SEC14L2: variants seen among roughly 807,000 people sequenced by gnomAD.
SEC14L2 encodes the protein SEC14-like protein 2.
Under a neutral mutation model 56.9 loss-of-function variants are expected in SEC14L2, and 50 were observed. The observed-to-expected ratio is 0.88, with a 90% CI of 0.70 to 1.11. The LOEUF (loss-of-function observed/expected upper bound fraction) is 1.11. Among genes scored for constraint, SEC14L2 ranks in the 50% most tolerant of loss-of-function variants. The pLI, the probability that SEC14L2 is intolerant of heterozygous loss-of-function variation, is 0.00. For synonymous variants in SEC14L2, 179 were observed against 188.5 expected (o/e 0.95, Z 0.41); for missense variants, 414 against 500.7 (o/e 0.83, Z 1.65).
At position 30,424,788 on chromosome 22, in the gene SEC14L2, G is replaced by A. The variant is rs1182492782; in HGVS notation, c.*2381G>A. On this transcript the variant is annotated 3_prime_UTR_variant, in exon 12 of 12. Transcript: ENST00000615189. Reference sequence around the variant, plus strand: ...CGCCAAGGAGTCACAGAGACTTAGTGAAGTGCACACATTGCTCACCTGGGT... The same window carrying A: ...CGCCAAGGAGTCACAGAGACTTAGTAAAGTGCACACATTGCTCACCTGGGT... 2 of 456,570 alleles carry A rather than the reference G, an allele frequency of 4.4e-6. No homozygotes were observed. Among genetic ancestry groups the A allele is most frequent in the Non-Finnish European group, 8.8e-6 (2 of 226,984 alleles). 28.3% of individuals were successfully genotyped at this position (456,570 alleles called of 1,614,324 possible).
intron 2 of SEC14L2, among the ~76,000 whole-genome samples, chr22:30,403,885 C>T (rs1303447574): frequency 6.6e-6 from 1 of 151,458 alleles, no homozygotes; most frequent in Non-Finnish European, 1.5e-5. Context: ...CGCCTGTAGT[C>T]CCAGCTACTC....
chr22:30,422,127 C>A, intron 11 of SEC14L2, 150 bp from the exon 12 acceptor site: 1 of 943,924 alleles, frequency 1.1e-6, no homozygotes, highest in Non-Finnish European at 1.6e-6. Context: ...GATTAAGTTT[C>A]AGAAGGTCAA....
chr22:30,402,739 G>C (rs985514007), intron 2 of SEC14L2, among the ~76,000 whole-genome samples: 3 of 135,002 alleles, frequency 2.2e-5, no homozygotes, highest in African/African-American at 8.3e-5. Flanking sequence ...ATCTCAATTG[G>C]GTTTTTTTTT....
In SEC14L2 at chr22:30,422,630, G is replaced by A. The variant is rs1250919703; in HGVS notation, c.*223G>A. 3.8e-6 allele frequency: 2 copies of A among 528,208 alleles called. No individual in the cohort carries two copies. The highest frequency in any genetic ancestry group is 6.7e-6 in the Non-Finnish European group (2 of 298,690). 32.7% of individuals were successfully genotyped at this position (528,208 alleles called of 1,614,324 possible). ...CAGGAGCTGGCTGGCCATCGTGATA[G>A]GATCTGTCTGTCCTGTAAACTGTGC... On this transcript the variant is annotated 3_prime_UTR_variant, in exon 12 of 12. Coordinates refer to ENST00000615189, the MANE Select transcript of SEC14L2 (RefSeq NM_012429.5).
In SEC14L2 at chr22:30,399,718, G is replaced by C; in HGVS notation, c.130G>C (p.Ala44Pro). The change falls in exon 2 of 12, where the codon GCC becomes CCC. Residue 44 changes from alanine (A) to proline (P), a missense_variant and splice_region_variant. Coordinates refer to ENST00000615189, the MANE Select transcript of SEC14L2 (RefSeq NM_012429.5). Reference sequence around the variant, plus strand: ...CTATTTTCTCCTGCGTTGGCTCCGAGGTGAGGGAAGAGGGGCTGCGGGAGG... The same window carrying C: ...CTATTTTCTCCTGCGTTGGCTCCGACGTGAGGGAAGAGGGGCTGCGGGAGG... The part of the protein sequence containing the change: ...DDYFLLRWLR[A>P]RSFDLQKSEA... 1 of 1,613,244 alleles carries C rather than the reference G, an allele frequency of 6.2e-7. No individual in the cohort carries two copies.
intron 2 of SEC14L2, among the ~76,000 whole-genome samples, chr22:30,402,188 G>A (rs979067512): frequency 2.0e-5 from 3 of 152,256 alleles, no homozygotes; most frequent in Middle Eastern, 3.4e-3. Flanking sequence ...AGGAAATTTT[G>A]GCCCAGCATT....
chr22:30,406,219 G>C, intron 2 of SEC14L2, 123 bp from the exon 3 acceptor site: 2 of 890,086 alleles, frequency 2.2e-6, no homozygotes, highest in Non-Finnish European at 3.6e-6. Flanking sequence ...AGGATGGTCT[G>C]AGGGTTAGCT....
chr22:30,404,522 A>G (rs1934038328), intron 2 of SEC14L2, among the ~76,000 whole-genome samples: 2 of 152,208 alleles, frequency 1.3e-5, no homozygotes, highest in Admixed American at 1.3e-4. Context: ...CTAGATGCCA[A>G]ATCCACAGAG....
chr22:30,416,777 G>A, intron 11 of SEC14L2: 2 of 1,234,404 alleles, frequency 1.6e-6, no homozygotes, highest in Non-Finnish European at 2.0e-6. Context: ...GGGTGGGCAT[G>A]GGATCACAAG....
chr22:30,416,640 TCA>T lies in SEC14L2; in HGVS notation c.1081+240_1081+241del, dbSNP rs1423481723. On this transcript the variant is annotated intron_variant, in intron 11 of 11. Coordinates refer to ENST00000615189, the MANE Select transcript of SEC14L2 (RefSeq NM_012429.5). ...TCTCATACTCCTAGGTATGGGTGAG[TCA>T]CAGTCCTAGGCGATCACAGGGGTTC... The T allele has an allele frequency of 4.8e-6, 7 of 1,447,164 alleles. No individual in the cohort carries two copies. The African/African-American group carries it at 1.0e-4, about 21-fold the overall frequency. 89.6% of individuals were successfully genotyped at this position (1,447,164 alleles called of 1,614,324 possible).
At chr22:30,415,720 T>C (rs369164739) in intron 8 of SEC14L2, 39 bp from the exon 9 acceptor site, 187 of 1,573,896 alleles carry the variant, frequency 1.2e-4, no homozygotes, top group Non-Finnish European at 1.3e-4. Context: ...TTACCTAGTG[T>C]TGAGATACAT....
intron 5 of SEC14L2, among the ~76,000 whole-genome samples, chr22:30,408,718 T>C (rs537144380): frequency 1.6e-4 from 25 of 152,342 alleles, no homozygotes; most frequent in African/African-American, 5.8e-4. Context: ...TCTAGGAACA[T>C]TCCCACACTC....
chr22:30,418,289 G>A (rs956946182), intron 11 of SEC14L2, among the ~76,000 whole-genome samples: 1 of 152,112 alleles, frequency 6.6e-6, no homozygotes, highest in African/African-American at 2.4e-5. Context: ...AGTAGCTTAT[G>A]TAGACATCAA....
intron 8 of SEC14L2, among the ~76,000 whole-genome samples, chr22:30,411,761 A>AAAAAAAAAAAAAAAAAAG (rs1555997934): frequency 2.8e-5 from 4 of 142,778 alleles, no homozygotes; most frequent in African/African-American, 1.1e-4. Context: ...AAAAAAAAAA[A>AAAAAAAAAAAAAAAAAAG]GGGGTCCCTT....
Position 30,397,131 on chromosome 22 carries a change from C to G in SEC14L2, c.15C>G (p.Val5=), listed in dbSNP as rs780673295. The G allele has an allele frequency of 3.9e-6, 6 of 1,547,734 alleles. No individual in the cohort carries two copies. In the African/African-American group the frequency reaches 5.5e-5, roughly 14 times the overall value. Residue 5 remains valine, a synonymous_variant, in exon 1 of 12, where the codon GTC becomes GTG. Transcript: ENST00000615189. MSGR[V]GDLSPRQKEA... ...GTTGAGCCACGATGAGCGGCAGAGT[C>G]GGCGATCTGAGCCCCAGGCAGAAGG...
At chr22:30,406,941 G>C (rs549009734) in intron 3 of SEC14L2, among the ~76,000 whole-genome samples, 154 bp from the exon 4 acceptor site, 1 of 152,058 alleles carries the variant, frequency 6.6e-6, no homozygotes, top group Non-Finnish European at 1.5e-5. Context: ...TAGTAGGGAC[G>C]GGATTTTGCC....
At chr22:30,409,135 G>C in intron 5 of SEC14L2, 52 bp from the exon 6 acceptor site, 8 of 1,505,538 alleles carry the variant, frequency 5.3e-6, no homozygotes, top group Non-Finnish European at 7.4e-6. Flanking sequence ...ACTGGAACGG[G>C]CTTCTGAAGT....
intron 11 of SEC14L2, among the ~76,000 whole-genome samples, chr22:30,418,280 G>A (rs188186968): frequency 3.0e-4 from 45 of 152,198 alleles, no homozygotes; most frequent in African/African-American, 1.0e-3. Flanking sequence ...CTCCCATAAA[G>A]TAGCTTATGT....
Position 30,397,053 on chromosome 22 carries a change from G to C in SEC14L2, c.-64G>C. On this transcript the variant is annotated 5_prime_UTR_variant, in exon 1 of 12. Coordinates refer to ENST00000615189, the MANE Select transcript of SEC14L2 (RefSeq NM_012429.5). The stretch of plus-strand genomic sequence containing the variant: ...CGGGTGGCGGCGAGGACGAGTCTGT[G>C]CTCCATCAGCTGCCGCACCCGCCGC... 1 of 1,419,860 alleles carries C rather than the reference G, an allele frequency of 7.0e-7. No homozygotes were observed. The highest frequency in any genetic ancestry group is 9.7e-7 in the Non-Finnish European group (1 of 1,030,576). 88.0% of individuals were successfully genotyped at this position (1,419,860 alleles called of 1,614,324 possible). A position where few individuals can be genotyped will look rare whatever the true frequency, so the allele number is the denominator to read the frequency against.
Sources: gnomAD v4.1 joint callset for allele counts (sites outside exome capture counted in the v4.1 genomes callset) on GRCh38, gnomAD v4.1.1 for gene constraint, MANE v1.5 for transcripts, NCBI Gene and HGNC (gene_info 2026-07-23, HGNC 2026-07-21) for gene names.